Variants in BTBD9 observed in about 807,000 individuals in gnomAD.
BTBD9 encodes BTB/POZ domain-containing protein 9.
A neutral mutation model predicts 64.3 loss-of-function variants in BTBD9; 49 were observed. The observed-to-expected ratio is 0.76, with a 90% CI of 0.61 to 0.97. The LOEUF (loss-of-function observed/expected upper bound fraction) is 0.97, where lower values mean the gene tolerates loss of function less well. BTBD9 is among the 50% of genes least tolerant of loss of function. BTBD9 has a pLI of 0.00. For synonymous variants in BTBD9, 260 were observed against 274.7 expected (o/e 0.95, Z 0.53); for missense variants, 598 against 762.1 (o/e 0.78, Z 2.53).
At chr6:38,549,346 A>G (rs751919091) in intron 6 of BTBD9, among the ~76,000 whole-genome samples, 21 of 152,220 alleles carry the variant, frequency 1.4e-4, no homozygotes, top group Non-Finnish European at 2.9e-4. Context: ...CACTCAAGAT[A>G]TATTAGCTAT....
At chr6:38,179,757 A>G (rs1228145359) in intron 10 of BTBD9, 3 of 456,598 alleles carry the variant, frequency 6.6e-6, no homozygotes, top group East Asian at 6.9e-5. Flanking sequence ...AAACAATTCT[A>G]CCAGCACGGG....
chr6:38,424,109 T>C (rs1768033363), intron 6 of BTBD9, among the ~76,000 whole-genome samples: 1 of 152,062 alleles, frequency 6.6e-6, no homozygotes, highest in Non-Finnish European at 1.5e-5. Flanking sequence ...ATGAATTTTA[T>C]ACTCATTCAT....
At chr6:38,210,943 GTGGGTCACACACATC>G (rs1375570702) in intron 9 of BTBD9, among the ~76,000 whole-genome samples, 2 of 152,150 alleles carry the variant, frequency 1.3e-5, no homozygotes, top group African/African-American at 2.4e-5. Context: ...TGAACACCAA[GTGGGTCACACACATC>G]TGAGTTCCTC....
intron 6 of BTBD9, among the ~76,000 whole-genome samples, chr6:38,552,497 G>C (rs749164733): frequency 6.6e-6 from 1 of 152,080 alleles, no homozygotes; most frequent in African/African-American, 2.4e-5. Flanking sequence ...AAATAAAAAT[G>C]GGCCGGGCAC....
intron 9 of BTBD9, among the ~76,000 whole-genome samples, chr6:38,249,693 C>T (rs1229990471): frequency 2.7e-5 from 4 of 148,444 alleles, no homozygotes; most frequent in Admixed American, 6.8e-5. Context: ...TAGCAGTCAA[C>T]ACAACTGTCT....
chr6:38,285,027 G>T (rs1220102877), intron 8 of BTBD9, among the ~76,000 whole-genome samples: 2 of 152,122 alleles, frequency 1.3e-5, no homozygotes, highest in Non-Finnish European at 2.9e-5. Flanking sequence ...CGCAGGACAC[G>T]AGGTTGTATA....
At chr6:38,479,862 G>A (rs1771054368) in intron 6 of BTBD9, among the ~76,000 whole-genome samples, 1 of 152,116 alleles carries the variant, frequency 6.6e-6, no homozygotes, top group Non-Finnish European at 1.5e-5. Context: ...CTGAGTAGCT[G>A]GGACTACAGG....
At chr6:38,580,734 A>T (rs1484680432) in intron 4 of BTBD9, among the ~76,000 whole-genome samples, 1 of 151,962 alleles carries the variant, frequency 6.6e-6, no homozygotes, top group African/African-American at 2.4e-5. Flanking sequence ...TGTCCCTATT[A>T]AAAACAAACA....
At chr6:38,323,542 A>G (rs899773696) in intron 7 of BTBD9, among the ~76,000 whole-genome samples, 1 of 152,238 alleles carries the variant, frequency 6.6e-6, no homozygotes, top group African/African-American at 2.4e-5. Flanking sequence ...CTTATACATC[A>G]TATGTTTTGT....
intron 8 of BTBD9, among the ~76,000 whole-genome samples, chr6:38,267,566 G>A (rs1411587654): frequency 2.6e-5 from 4 of 152,166 alleles, no homozygotes; most frequent in African/African-American, 9.7e-5. Flanking sequence ...TGCTTCTACA[G>A]TGCAGGGACC....
chr6:38,438,780 A>C (rs1768876588), intron 6 of BTBD9, among the ~76,000 whole-genome samples: 1 of 152,236 alleles, frequency 6.6e-6, no homozygotes, highest in Admixed American at 6.5e-5. Flanking sequence ...AATTAGTAAA[A>C]TATATTTGGT....
intron 1 of BTBD9, among the ~76,000 whole-genome samples, chr6:38,620,773 C>A (rs1777956036): frequency 6.6e-6 from 1 of 152,088 alleles, no homozygotes; most frequent in African/African-American, 2.4e-5. Flanking sequence ...TGCGGGGGTT[C>A]CTTGGGATCA....
intron 9 of BTBD9, among the ~76,000 whole-genome samples, chr6:38,235,067 A>G (rs1157260673): frequency 6.6e-6 from 1 of 152,348 alleles, no homozygotes; most frequent in Admixed American, 6.5e-5. Context: ...TAGTGGGTAC[A>G]CAGTAACTGC....
chr6:38,485,572 A>G (rs1253362143), intron 6 of BTBD9, among the ~76,000 whole-genome samples: 2 of 152,238 alleles, frequency 1.3e-5, no homozygotes, highest in African/African-American at 4.8e-5. Context: ...ATGGTCAATG[A>G]GCAGGAATAT....
chr6:38,568,220 T>C (rs1257130723), intron 6 of BTBD9, among the ~76,000 whole-genome samples: 2 of 152,232 alleles, frequency 1.3e-5, no homozygotes, highest in African/African-American at 4.8e-5. Flanking sequence ...AATATCATTT[T>C]TAGAGCACCA....
chr6:38,588,274 TCAGC>T (rs34880798), intron 4 of BTBD9: 105,399 of 1,140,840 alleles, frequency 0.092, 6,566 homozygotes, highest in Admixed American at 0.11. Flanking sequence ...AACTGCCTGC[TCAGC>T]TGCCACACAG....
chr6:38,263,232 T>A (rs1054616322), intron 8 of BTBD9, among the ~76,000 whole-genome samples: 1 of 152,258 alleles, frequency 6.6e-6, no homozygotes, highest in African/African-American at 2.4e-5. Context: ...AAAAAATATT[T>A]ACTGAATAAC....
rs569821233 is a variant in BTBD9, at chr6:38,261,379, C to T, written c.1455-4863G>A. ...AGCTGTATACTTCTATTCCCCCCAA[C>T]CCCAAGCAAAAATCTATACCAATTT... On this transcript the variant is annotated intron_variant, in intron 8 of 10. Coordinates refer to ENST00000481247, the MANE Select transcript of BTBD9 (RefSeq NM_001099272.2). Among the ~76,000 whole-genome samples the T allele has an allele frequency of 8.6e-4, 131 of 152,242 alleles. 1 individual carries two copies. The highest frequency in any genetic ancestry group is 3.1e-3 in the African/African-American group (130 of 41,554).
intron 4 of BTBD9, among the ~76,000 whole-genome samples, chr6:38,585,010 T>G (rs1776449799): frequency 6.6e-6 from 1 of 150,782 alleles, no homozygotes; most frequent in East Asian, 1.9e-4. Flanking sequence ...TTTAGGCAAG[T>G]TACATAGATC....
Sources: gnomAD v4.1 joint callset for allele counts (sites outside exome capture counted in the v4.1 genomes callset) on GRCh38, gnomAD v4.1.1 for gene constraint, MANE v1.5 for transcripts, NCBI Gene and HGNC (gene_info 2026-07-23, HGNC 2026-07-21) for gene names.